Variants in STRBP observed in about 807,000 individuals in gnomAD.
STRBP encodes spermatid perinuclear RNA-binding protein.
STRBP carries 13 observed loss-of-function variants against 80.1 expected under a neutral mutation model. The observed-to-expected ratio is 0.16, with a 90% CI of 0.11 to 0.26. The LOEUF (loss-of-function observed/expected upper bound fraction) is 0.26. Ranked by LOEUF, STRBP falls within the 10% of genes least tolerant of loss-of-function variation. The pLI is 1.00. For missense variants in STRBP, 485 were observed against 815.2 expected (o/e 0.59, Z 4.93); for synonymous variants, 284 against 291.2 (o/e 0.98, Z 0.25).
chr9:123,124,635 C>A lies in STRBP; in HGVS notation c.*962G>T, dbSNP rs940688600. On this transcript the variant is annotated 3_prime_UTR_variant, in exon 19 of 19. Transcript: ENST00000348403. ...GAATCCCAGCAAAATCACTAATCTT[C>A]TATCTGCATGAAAAAAGCCAGGGAG... The A allele has an allele frequency of 1.0e-6, 1 of 985,300 alleles. No individual in the cohort carries two copies. Among genetic ancestry groups the A allele is most frequent in the Non-Finnish European group, 1.2e-6 (1 of 829,936 alleles). The allele number at this position is 985,300 out of a possible 1,614,324, so 61.0% of individuals were successfully genotyped here.
chr9:123,132,503 T>C (rs562363252), intron 17 of STRBP, among the ~76,000 whole-genome samples: 2 of 152,234 alleles, frequency 1.3e-5, no homozygotes, highest in East Asian at 3.9e-4. Flanking sequence ...GCAGTTTTTC[T>C]CTCCTGTTAT....
intron 14 of STRBP, 102 bp downstream of exon 14, chr9:123,139,425 AGG>A: frequency 1.1e-6 from 1 of 896,152 alleles, no homozygotes; most frequent in Non-Finnish European, 1.6e-6. Flanking sequence ...ATTTATGTAC[AGG>A]TTTGCATATG....
chr9:123,222,579 A>T (rs932806710), intron 2 of STRBP, among the ~76,000 whole-genome samples: 2 of 152,212 alleles, frequency 1.3e-5, no homozygotes, highest in Non-Finnish European at 2.9e-5. Context: ...GTTGGGAATT[A>T]AAAAGATAAT....
At position 123,188,180 on chromosome 9, in the gene STRBP, T is replaced by C. The variant is rs527977754; in HGVS notation, c.-164-3882A>G. Among the ~76,000 whole-genome samples, 15 of 152,336 alleles carry C rather than the reference T, an allele frequency of 9.8e-5. No individual in the cohort carries two copies. In the South Asian group the frequency reaches 3.1e-3, roughly 32 times the overall value. On this transcript the variant is annotated intron_variant, in intron 2 of 18. Coordinates refer to ENST00000348403, the MANE Select transcript of STRBP (RefSeq NM_018387.5). The stretch of plus-strand genomic sequence containing the variant: ...GCAATATGCATTTAAGGTTTCTCCA[T>C]CTTTTCATGGATTGATAGCTCATTT...
At chr9:123,261,967 T>C (rs2041169250) in intron 1 of STRBP, among the ~76,000 whole-genome samples, 1 of 152,208 alleles carries the variant, frequency 6.6e-6, no homozygotes, top group African/African-American at 2.4e-5. Context: ...ACTATAAACA[T>C]CTTAAAAATG....
At chr9:123,139,423 A>T in intron 14 of STRBP, 106 bp downstream of exon 14, 2 of 887,702 alleles carry the variant, frequency 2.3e-6, no homozygotes, top group Non-Finnish European at 3.2e-6. Context: ...TAATTTATGT[A>T]CAGGTTTGCA....
chr9:123,204,134 A>T (rs975631666), intron 2 of STRBP, among the ~76,000 whole-genome samples: 1 of 152,362 alleles, frequency 6.6e-6, no homozygotes, highest in Non-Finnish European at 1.5e-5. Context: ...TGTCTGGCAC[A>T]AAAGAGAAAC....
At chr9:123,224,406 G>C (rs1294172943) in intron 2 of STRBP, among the ~76,000 whole-genome samples, 1 of 152,150 alleles carries the variant, frequency 6.6e-6, no homozygotes, top group Admixed American at 6.5e-5. Context: ...GATTTCACCT[G>C]ACTTAATTCA....
chr9:123,181,842 A>G (rs1239739900), intron 3 of STRBP, among the ~76,000 whole-genome samples: 6 of 136,366 alleles, frequency 4.4e-5, no homozygotes, highest in Non-Finnish European at 9.6e-5. Flanking sequence ...AAAAAGAAAC[A>G]GTAACAGGAA....
Position 123,136,298 on chromosome 9 carries a change from T to A in STRBP, c.1632+83A>T. ...ATCAAATAGTGCCACAAGAACTGAC[T>A]CAGTCTAAAACTTTACATTAAGTTC... On this transcript the variant is annotated intron_variant, in intron 15 of 18. Coordinates refer to ENST00000348403, the MANE Select transcript of STRBP (RefSeq NM_018387.5). The surrounding 1 kb of genome is among the most constrained non-coding windows in gnomAD (Gnocchi z 4.2). 1 of 1,596,768 alleles carries A rather than the reference T, an allele frequency of 6.3e-7. No homozygotes were observed. Among genetic ancestry groups the A allele is most frequent in the Non-Finnish European group, 8.5e-7 (1 of 1,171,898 alleles).
rs185075174 is a variant in STRBP at position 123,199,784 on chromosome 9, T to C, written c.-164-15486A>G. Among the ~76,000 whole-genome samples the C allele has an allele frequency of 1.1e-3, 166 of 152,246 alleles. 1 individual carries two copies. Among genetic ancestry groups the C allele is most frequent in the Middle Eastern group, 3.4e-3 (1 of 294 alleles). ...ATCAAATCTAAGAGTCTTTATGACTTTCTAGCCATACAATCATATCATCTG... is the reference window on the plus strand; with the variant it reads ...ATCAAATCTAAGAGTCTTTATGACTCTCTAGCCATACAATCATATCATCTG... On this transcript the variant is annotated intron_variant, in intron 2 of 18. Transcript: ENST00000348403.
At position 123,179,210 on chromosome 9, in the gene STRBP, A is replaced by C; in HGVS notation, c.21T>G (p.Phe7Leu). The C allele has an allele frequency of 6.2e-7, 1 of 1,608,736 alleles. No individual in the cohort carries two copies. Among genetic ancestry groups the C allele is most frequent in the Non-Finnish European group, 8.5e-7 (1 of 1,175,458 alleles). MRSIRSFANDDRHVMVK... is the reference protein window; with the variant it reads MRSIRSLANDDRHVMVK... ...CCATAACATGGCGATCATCATTAGC[A>C]AAAGATCGAATAGATCTCTGTTAGA... The change falls in exon 4 of 19, where the codon TTT (phenylalanine) becomes TTG (leucine). Residue 7 changes from phenylalanine to leucine, a missense_variant. Physicochemically the swap from Phe to Leu is conservative, Grantham distance 22. Transcript: ENST00000348403.
downstream of STRBP, among the ~76,000 whole-genome samples, chr9:123,117,883 T>C (rs1419896789): frequency 6.6e-6 from 1 of 152,208 alleles, no homozygotes; most frequent in African/African-American, 2.4e-5. Flanking sequence ...AAGCTTTAGA[T>C]AAAAATGCTT....
Position 123,235,584 on chromosome 9 carries a change from C to CAAAA in STRBP, c.-165+1242_-165+1245dup, listed in dbSNP as rs71390421. The stretch of plus-strand genomic sequence containing the variant: ...AATCTGGATGAAGAGACAAGTTCAG[C>CAAAA]AAAAAAAAAAAAAAAAAAAAAAAAA... On this transcript the variant is annotated intron_variant, in intron 2 of 18. Transcript: ENST00000348403. Among the ~76,000 whole-genome samples, 49 of 36,522 alleles carry CAAAA rather than the reference C, an allele frequency of 1.3e-3. 1 individual carries two copies. Among genetic ancestry groups the CAAAA allele is most frequent in the Non-Finnish European group, 2.2e-3 (38 of 16,974 alleles). 24.0% of individuals were successfully genotyped at this position (36,522 alleles called of 152,430 possible).
chr9:123,147,932 T>C (rs780270543), intron 11 of STRBP, 62 bp from the exon 12 acceptor site: 42 of 1,383,508 alleles, frequency 3.0e-5, no homozygotes, highest in Non-Finnish European at 4.2e-5. Flanking sequence ...CCGTACCATA[T>C]GTATCTAACA....
chr9:123,150,445 T>C (rs1157122256), intron 11 of STRBP, among the ~76,000 whole-genome samples: 1 of 152,132 alleles, frequency 6.6e-6, no homozygotes, highest in African/African-American at 2.4e-5. Context: ...CACATGCCTG[T>C]AGTCCCAGCT....
chr9:123,243,900 A>G (rs1223872022), intron 1 of STRBP, among the ~76,000 whole-genome samples: 2 of 152,218 alleles, frequency 1.3e-5, no homozygotes, highest in Admixed American at 6.5e-5. Context: ...ACACAATACA[A>G]TAGGAATTGT....
chr9:123,218,355 C>CTTTTTTTTTTTT (rs10689260), intron 2 of STRBP, among the ~76,000 whole-genome samples: 1 of 102,436 alleles, frequency 9.8e-6, no homozygotes, highest in Non-Finnish European at 1.8e-5. Context: ...TTAAATATGA[C>CTTTTTTTTTTTT]TTTTTTTTTT....
chr9:123,261,864 T>C (rs1490846842), intron 1 of STRBP, among the ~76,000 whole-genome samples: 2 of 152,184 alleles, frequency 1.3e-5, no homozygotes, highest in Non-Finnish European at 2.9e-5. Flanking sequence ...TTACCCAGTA[T>C]CCAAAACTTC....
Sources: gnomAD v4.1 joint callset for allele counts (sites outside exome capture counted in the v4.1 genomes callset) on GRCh38, gnomAD v4.1.1 for gene constraint, Gnocchi (gnomAD v3.1) non-coding constraint, MANE v1.5 for transcripts, NCBI Gene and HGNC (gene_info 2026-07-23, HGNC 2026-07-21) for gene names.